Variants in FAM86B1 observed in about 807,000 individuals in gnomAD.
FAM86B1 encodes the protein family with sequence similarity 86 member B1 (gene/pseudogene), also known as putative protein N-methyltransferase FAM86B1.
For missense variants in FAM86B1, 13 were observed against 328.1 expected, an observed-to-expected ratio of 0.04 and a Z score of 7.42; for synonymous variants, 4 against 137.6, an observed-to-expected ratio of 0.03 and a Z score of 6.79.
rs1281936899 is a variant in FAM86B1 at position 12,192,563 on chromosome 8, G to A, written c.97-722C>T. ...TCCCAGTTCAAATGCCACCTCTTTG[G>A]GGAAGGCTTCCCTGATTCCCTGACT... On this transcript the variant is annotated intron_variant, in intron 1 of 6. Transcript: ENST00000448228. 4.6e-4 allele frequency among the ~76,000 whole-genome samples: 59 copies of A among 126,918 alleles called. 1 individual carries two copies. The highest frequency in any genetic ancestry group is 2.1e-3 in the African/African-American group (56 of 26,654). The allele number at this position is 126,918 out of a possible 152,430, so 83.3% of individuals were successfully genotyped here.
intron 6 of FAM86B1, 37 bp from the exon 7 acceptor site, chr8:12,183,743 TG>T: frequency 6.1e-6 from 4 of 652,148 alleles, no homozygotes; most frequent in South Asian, 5.0e-5. Context: ...TGGCGGTGTT[TG>T]GGGACAGGAC....
At chr8:12,193,323 C>G (rs1255316174) in intron 1 of FAM86B1, among the ~76,000 whole-genome samples, 2 of 144,860 alleles carry the variant, frequency 1.4e-5, no homozygotes, top group Admixed American at 1.3e-4. Flanking sequence ...AATATATATC[C>G]CAACTGACTC....
intron 2 of FAM86B1, among the ~76,000 whole-genome samples, chr8:12,191,109 G>A (rs1265950441): frequency 8.0e-6 from 1 of 125,588 alleles, no homozygotes; most frequent in Non-Finnish European, 1.6e-5. Flanking sequence ...CTTCACCGGG[G>A]CTCCTAGGAT....
chr8:12,193,195 TA>T (rs1807220345), intron 1 of FAM86B1, among the ~76,000 whole-genome samples: 2 of 145,016 alleles, frequency 1.4e-5, no homozygotes, highest in South Asian at 4.2e-4. Context: ...TATTTTGGGT[TA>T]AAAATGCACA....
At chr8:12,189,237 ACT>A (rs1458256568) in intron 3 of FAM86B1, among the ~76,000 whole-genome samples, 23 of 146,330 alleles carry the variant, frequency 1.6e-4, no homozygotes, top group Non-Finnish European at 5.9e-5. Flanking sequence ...ACACAGTGAG[ACT>A]CTGTCTCAAA....
chr8:12,191,039 C>T lies in FAM86B1; in HGVS notation c.159+740G>A, dbSNP rs1806773164. On this transcript the variant is annotated intron_variant, in intron 2 of 6. Coordinates refer to ENST00000448228, the MANE Select transcript of FAM86B1 (RefSeq NM_001083537.4). ...CTACTGTATTGCCCCGAAAGTCTTC[C>T]CTGCTGTGGCTGCATCTTTTCCACG... Among the ~76,000 whole-genome samples, 4 of 149,726 alleles carry T rather than the reference C, an allele frequency of 2.7e-5. No individual in the cohort carries two copies. In the South Asian group the frequency reaches 8.4e-4, roughly 32 times the overall value.
intron 2 of FAM86B1, among the ~76,000 whole-genome samples, chr8:12,191,387 G>A (rs1585239980): frequency 1.6e-5 from 2 of 123,286 alleles, no homozygotes; most frequent in South Asian, 5.4e-4. Flanking sequence ...GGCAAAGCAA[G>A]GGCCCATTTA....
chr8:12,189,303 TAAA>T (rs1563197062), intron 3 of FAM86B1, among the ~76,000 whole-genome samples: 1 of 67,846 alleles, frequency 1.5e-5, no homozygotes, highest in African/African-American at 6.7e-5. Context: ...AATAAATAAG[TAAA>T]AAATAAAATC....
At chr8:12,184,142 A>C (rs1805391160) in intron 6 of FAM86B1, among the ~76,000 whole-genome samples, 1 of 40,200 alleles carries the variant, frequency 2.5e-5, no homozygotes, top group East Asian at 5.4e-4. Context: ...CACTTAAAAG[A>C]TATTGCAGGT....
chr8:12,192,963 C>A (rs1261319052), intron 1 of FAM86B1, among the ~76,000 whole-genome samples: 1 of 144,718 alleles, frequency 6.9e-6, no homozygotes, highest in African/African-American at 2.8e-5. Context: ...TCACACAGGG[C>A]CAGGGGTTGG....
In FAM86B1 at chr8:12,182,572, CTTT is replaced by C; in HGVS notation, c.*1031_*1033del. 6.8e-7 allele frequency: 1 copy of C among 1,469,148 alleles called. No homozygotes were observed. The highest frequency in any genetic ancestry group is 9.2e-7 in the Non-Finnish European group (1 of 1,081,164). 91.0% of individuals were successfully genotyped at this position (1,469,148 alleles called of 1,614,324 possible). ...GACAGGCAATGAGTTAAGCTCTGCTCTTTAGCATTTTGCAGATGCTTTTCTCAA... is the reference window on the plus strand; with the variant it reads ...GACAGGCAATGAGTTAAGCTCTGCTCAGCATTTTGCAGATGCTTTTCTCAA... On this transcript the variant is annotated 3_prime_UTR_variant, in exon 7 of 7. Coordinates refer to ENST00000448228, the MANE Select transcript of FAM86B1 (RefSeq NM_001083537.4).
chr8:12,187,206 A>ATTT (rs138357947), intron 3 of FAM86B1, among the ~76,000 whole-genome samples: 909 of 17,016 alleles, frequency 0.053, 86 homozygotes, highest in African/African-American at 0.087. Flanking sequence ...GTTTTATCTC[A>ATTT]TTTTTTTTTT....
intron 5 of FAM86B1, chr8:12,186,123 A>T: frequency 3.1e-6 from 1 of 324,334 alleles, no homozygotes; most frequent in Non-Finnish European, 4.9e-6. Context: ...CCATGTGGTG[A>T]CGACTGTAAC....
intron 2 of FAM86B1, among the ~76,000 whole-genome samples, chr8:12,190,249 C>T (rs1381654230): frequency 7.0e-6 from 1 of 143,644 alleles, no homozygotes; most frequent in Non-Finnish European, 1.5e-5. Flanking sequence ...AAGGCCCACT[C>T]AGCAACTGCT....
At chr8:12,193,819 GC>G in intron 1 of FAM86B1, 155 bp downstream of exon 1, 1 of 602,474 alleles carries the variant, frequency 1.7e-6, no homozygotes, top group Admixed American at 3.3e-5. Flanking sequence ...CTCTGGCCAG[GC>G]CCCAGGGACG....
chr8:12,192,860 C>T (rs1308717313), intron 1 of FAM86B1, among the ~76,000 whole-genome samples: 1 of 150,292 alleles, frequency 6.7e-6, no homozygotes, highest in African/African-American at 2.5e-5. Context: ...GTACTCAACG[C>T]TGAGAACAAC....
In FAM86B1 at chr8:12,189,327, C is replaced by T. The variant is rs1220987002; in HGVS notation, c.240+481G>A. ...GTAAAAAATAAAATCCATCCTATAT[C>T]AGTCAGGAAAGAGCTCATTCCAGCA... On this transcript the variant is annotated intron_variant, in intron 3 of 6. Coordinates refer to ENST00000448228, the MANE Select transcript of FAM86B1 (RefSeq NM_001083537.4). 3.5e-3 allele frequency among the ~76,000 whole-genome samples: 398 copies of T among 112,610 alleles called. 3 individuals carry two copies. Among genetic ancestry groups the T allele is most frequent in the African/African-American group, 0.017 (374 of 22,196 alleles). The allele number at this position is 112,610 out of a possible 152,430, so 73.9% of individuals were successfully genotyped here.
At position 12,182,507 on chromosome 8, in the gene FAM86B1, G is replaced by C; in HGVS notation, c.*1099C>G. ...TGGGAGGGGTTGTTGTTGGGTCGGGGACCTGGGGTCATCCAAGTGGTGACC... is the reference window on the plus strand; with the variant it reads ...TGGGAGGGGTTGTTGTTGGGTCGGGCACCTGGGGTCATCCAAGTGGTGACC... On this transcript the variant is annotated 3_prime_UTR_variant, in exon 7 of 7. Transcript: ENST00000448228. 1.4e-6 allele frequency: 2 copies of C among 1,450,760 alleles called. No homozygotes were observed. Among genetic ancestry groups the C allele is most frequent in the Non-Finnish European group, 1.9e-6 (2 of 1,066,088 alleles). The allele number at this position is 1,450,760 out of a possible 1,614,324, so 89.9% of individuals were successfully genotyped here. A position where few individuals can be genotyped will look rare whatever the true frequency, so the allele number is the denominator to read the frequency against.
intron 5 of FAM86B1, chr8:12,185,764 T>TA: frequency 5.1e-6 from 2 of 393,006 alleles, no homozygotes; most frequent in Non-Finnish European, 8.4e-6. Flanking sequence ...CTGGTGTCCT[T>TA]AAAAAACCAG....
Sources: gnomAD v4.1 joint callset for allele counts (sites outside exome capture counted in the v4.1 genomes callset) on GRCh38, gnomAD v4.1.1 for gene constraint, MANE v1.5 for transcripts, NCBI Gene and HGNC (gene_info 2026-07-23, HGNC 2026-07-21) for gene names.